HMGB1: variants seen among roughly 807,000 people sequenced by gnomAD.
HMGB1 encodes the protein high mobility group protein B1.
For synonymous variants in HMGB1, 81 were observed against 84.0 expected (o/e 0.96, Z 0.19); for missense variants, 79 against 253.5 (o/e 0.31, Z 4.67).
intron 1 of HMGB1, among the ~76,000 whole-genome samples, chr13:30,613,042 T>C (rs1042715840): frequency 6.6e-6 from 1 of 152,204 alleles, no homozygotes; most frequent in Non-Finnish European, 1.5e-5. Flanking sequence ...ACCTTGTTAA[T>C]GCAAATTTGA....
rs546430707 is a variant in HMGB1, at chr13:30,585,314, C to CA, written c.-15+31356dup. Among the ~76,000 whole-genome samples the CA allele has an allele frequency of 4.6e-5, 7 of 151,622 alleles. No individual in the cohort carries two copies. In the East Asian group the frequency reaches 7.7e-4, roughly 17 times the overall value. The stretch of plus-strand genomic sequence containing the variant: ...GCCCTGAGTGACAGAGACCCAGTTT[C>CA]AAAAAAACACAAAAAACAGAAAACA... On this transcript the variant is annotated intron_variant, in intron 1 of 4. Transcript: ENST00000405805.
chr13:30,551,648 T>C (rs1349375438), intron 1 of HMGB1, among the ~76,000 whole-genome samples: 20 of 152,144 alleles, frequency 1.3e-4, no homozygotes, highest in Admixed American at 1.3e-3. Context: ...CTTGTCTCAT[T>C]TTTGTTGCTT....
intron 1 of HMGB1, among the ~76,000 whole-genome samples, chr13:30,576,074 G>A (rs1208527336): frequency 6.6e-6 from 1 of 152,098 alleles, no homozygotes; most frequent in Non-Finnish European, 1.5e-5. Flanking sequence ...CTGAGACAAA[G>A]TCTTTGACAT....
At chr13:30,464,691 TGCGCGTCTTCTCCGCCTGCGCCGCCGCC>T in intron 1 of HMGB1, 1 of 957,690 alleles carries the variant, frequency 1.0e-6, no homozygotes, top group African/African-American at 1.8e-5. Context: ...GAATGGCCGC[TGCGCGTCTTCTCCGCCTGCGCCGCCGCC>T]GCCGCGAGGG....
intron 1 of HMGB1, among the ~76,000 whole-genome samples, chr13:30,571,292 G>A (rs867150806): frequency 1.5e-5 from 2 of 135,502 alleles, no homozygotes; most frequent in Non-Finnish European, 3.2e-5. Context: ...CAAAAAAATG[G>A]TTTTTTTTTT....
In HMGB1 at chr13:30,491,296, C is replaced by T. The variant is rs182558111; in HGVS notation, c.-14-27602G>A. On this transcript the variant is annotated intron_variant, in intron 1 of 4. Transcript: ENST00000405805. ...CTGCCTGCCTTGGCCTCCCAAAGTG[C>T]TGAGATTACAGGCGTGAGCCACCGC... Among the ~76,000 whole-genome samples, 1,064 of 150,090 alleles carry T rather than the reference C, an allele frequency of 7.1e-3. 6 individuals carry two copies. Among genetic ancestry groups the T allele is most frequent in the Middle Eastern group, 0.034 (10 of 292 alleles).
At chr13:30,536,632 G>A (rs903987040) in intron 1 of HMGB1, among the ~76,000 whole-genome samples, 1 of 152,186 alleles carries the variant, frequency 6.6e-6, no homozygotes, top group Non-Finnish European at 1.5e-5. Context: ...TTACAGGCGT[G>A]AGCCACCATG....
At chr13:30,488,649 TTATTA>T (rs1887416616) in intron 1 of HMGB1, among the ~76,000 whole-genome samples, 2 of 1,916 alleles carry the variant, frequency 1.0e-3, no homozygotes, top group South Asian at 0.05. Context: ...TTTAATTTTA[TTATTA>T]TTATTATTAT....
intron 2 of HMGB1, 66 bp from the exon 3 acceptor site, chr13:30,463,418 C>G: frequency 1.3e-6 from 2 of 1,542,188 alleles, no homozygotes; most frequent in Non-Finnish European, 1.8e-6. Flanking sequence ...AAACCAATGT[C>G]TTTTGCTATG....
chr13:30,592,583 A>G (rs991352939), intron 1 of HMGB1, among the ~76,000 whole-genome samples: 24 of 152,190 alleles, frequency 1.6e-4, no homozygotes, highest in African/African-American at 5.1e-4. Flanking sequence ...CAAGTTTAAT[A>G]AACTATTCCC....
intron 1 of HMGB1, among the ~76,000 whole-genome samples, chr13:30,539,229 C>T (rs887418837): frequency 3.3e-5 from 5 of 152,312 alleles, no homozygotes; most frequent in African/African-American, 9.6e-5. Context: ...GATCAATTCT[C>T]CCCCTGCCCG....
intron 1 of HMGB1, among the ~76,000 whole-genome samples, chr13:30,498,955 TG>T (rs1195890029): frequency 9.8e-5 from 5 of 50,910 alleles, no homozygotes; most frequent in South Asian, 2.1e-3. Flanking sequence ...GCCTCTTTTT[TG>T]TTTTTTTTTT....
chr13:30,524,238 G>T (rs1295571639), intron 1 of HMGB1, among the ~76,000 whole-genome samples: 1 of 151,118 alleles, frequency 6.6e-6, no homozygotes, highest in African/African-American at 2.4e-5. Flanking sequence ...ACCTAATGTA[G>T]ATGATGGGTT....
Position 30,461,378 on chromosome 13 carries a change from T to A in HMGB1, c.627A>T (p.Glu209Asp), listed in dbSNP as rs377691338. The A allele has an allele frequency of 4.3e-5, 68 of 1,564,736 alleles. No individual in the cohort carries two copies. The highest frequency in any genetic ancestry group is 5.7e-5 in the Non-Finnish European group (66 of 1,162,222). ...EEEDEEDEDE[E>D]EDDDDE ...CAACTTATTCATCATCATCATCTTC[T>A]TCTTCATCTTCATCTTCTTCATCTT... The change falls in exon 5 of 5, where the codon GAA becomes GAT. Residue 209 changes from glutamate (E) to aspartate (D), a missense_variant. Coordinates refer to ENST00000341423, the MANE Select transcript of HMGB1 (RefSeq NM_002128.7).
chr13:30,539,246 C>T (rs148183879), intron 1 of HMGB1, among the ~76,000 whole-genome samples: 99 of 152,336 alleles, frequency 6.5e-4, no homozygotes, highest in African/African-American at 2.3e-3. Context: ...CCCGCCTCCG[C>T]TGAAAAGGTA....
intron 1 of HMGB1, among the ~76,000 whole-genome samples, chr13:30,576,900 C>G (rs1270393260): frequency 6.6e-6 from 1 of 152,212 alleles, no homozygotes; most frequent in African/African-American, 2.4e-5. Context: ...AGAATTGTCG[C>G]TGTCATGGAC....
chr13:30,494,407 G>A (rs1055774610), intron 1 of HMGB1, among the ~76,000 whole-genome samples: 1 of 151,972 alleles, frequency 6.6e-6, no homozygotes, highest in African/African-American at 2.4e-5. Context: ...TGTTGCCCAG[G>A]CTGGAGTGCA....
intron 1 of HMGB1, among the ~76,000 whole-genome samples, chr13:30,493,153 A>G (rs1887537670): frequency 6.6e-6 from 1 of 152,172 alleles, no homozygotes; most frequent in South Asian, 2.1e-4. Context: ...GTTAAAAACT[A>G]GAAGCAAACC....
At chr13:30,609,271 C>T (rs898681283) in intron 1 of HMGB1, among the ~76,000 whole-genome samples, 1 of 152,070 alleles carries the variant, frequency 6.6e-6, no homozygotes, top group East Asian at 1.9e-4. Flanking sequence ...AAAAAACAAA[C>T]AAACAAAAAA....
Sources: gnomAD v4.1 joint callset for allele counts (sites outside exome capture counted in the v4.1 genomes callset) on GRCh38, gnomAD v4.1.1 for gene constraint, MANE v1.5 for transcripts, NCBI Gene and HGNC (gene_info 2026-07-23, HGNC 2026-07-21) for gene names.